SP140L: variants seen among roughly 807,000 people sequenced by gnomAD.
The protein encoded by SP140L is SP140 like nuclear body protein, also known as nuclear body protein SP140-like protein.
A neutral mutation model predicts 84.3 loss-of-function variants in SP140L; 64 were observed. The observed-to-expected ratio is 0.76, with a 90% CI of 0.62 to 0.94. SP140L has a LOEUF of 0.94. Ranked by LOEUF, SP140L falls within the 40% of genes least tolerant of loss-of-function variation. The pLI is 0.00. For synonymous variants in SP140L, 242 were observed against 236.9 expected (o/e 1.02, Z -0.20); for missense variants, 628 against 692.5 (o/e 0.91, Z 1.05).
At chr2:230,380,934 C>A (rs777873731) in intron 7 of SP140L, among the ~76,000 whole-genome samples, 1 of 149,730 alleles carries the variant, frequency 6.7e-6, no homozygotes, top group Non-Finnish European at 1.5e-5. Flanking sequence ...CTCCTCAGCA[C>A]ATTCTTGTAG....
At chr2:230,402,035 C>T (rs1441393399) in intron 18 of SP140L, among the ~76,000 whole-genome samples, 1 of 152,226 alleles carries the variant, frequency 6.6e-6, no homozygotes, top group African/African-American at 2.4e-5. Context: ...GCTCCTCCCC[C>T]ACCTGCCCCA....
At chr2:230,400,863 C>T (rs1454880856) in intron 15 of SP140L, 92 bp from the exon 16 acceptor site, 30 of 1,535,346 alleles carry the variant, frequency 2.0e-5, no homozygotes, top group Non-Finnish European at 2.5e-5. Flanking sequence ...CTGAGCCCAT[C>T]AGCCATTCCT....
chr2:230,387,851 G>A (rs967368263), intron 9 of SP140L, among the ~76,000 whole-genome samples: 8 of 152,184 alleles, frequency 5.3e-5, no homozygotes, highest in African/African-American at 1.9e-4. Flanking sequence ...CATTCCTCAT[G>A]GTTAACCTTC....
At chr2:230,390,595 G>A (rs1171417808) in intron 11 of SP140L, among the ~76,000 whole-genome samples, 3 of 152,114 alleles carry the variant, frequency 2.0e-5, no homozygotes, top group East Asian at 1.9e-4. Flanking sequence ...AATATTTTAC[G>A]ATTGAAAATT....
At chr2:230,358,034 C>A (rs1038054983) in intron 3 of SP140L, 67 bp downstream of exon 3, 6 of 1,562,034 alleles carry the variant, frequency 3.8e-6, no homozygotes, top group Non-Finnish European at 5.2e-6. Context: ...TCTGTAAGTG[C>A]TCCTGTAAAG....
At chr2:230,402,499 C>T (rs536714611) in intron 18 of SP140L, among the ~76,000 whole-genome samples, 124 of 152,280 alleles carry the variant, frequency 8.1e-4, no homozygotes, top group Admixed American at 6.9e-3. Flanking sequence ...AAGAGTCCTA[C>T]TTAATAATAG....
chr2:230,379,794 T>C (rs1004821203), intron 7 of SP140L, among the ~76,000 whole-genome samples: 5 of 152,224 alleles, frequency 3.3e-5, no homozygotes, highest in African/African-American at 9.6e-5. Context: ...CTGGAATCTA[T>C]GGTATGGCTA....
chr2:230,381,127 C>T (rs1206973576), intron 7 of SP140L, among the ~76,000 whole-genome samples: 1 of 138,596 alleles, frequency 7.2e-6, no homozygotes, highest in Non-Finnish European at 1.6e-5. Flanking sequence ...CTGAGGAAAC[C>T]CATGGGGTTT....
At chr2:230,329,537 G>A (rs1305961649) in intron 2 of SP140L, among the ~76,000 whole-genome samples, 2 of 152,278 alleles carry the variant, frequency 1.3e-5, no homozygotes, top group Non-Finnish European at 2.9e-5. Flanking sequence ...GAGGTGATTG[G>A]ATCATGGGGG....
intron 7 of SP140L, among the ~76,000 whole-genome samples, 173 bp from the exon 8 acceptor site, chr2:230,383,337 A>G (rs1449629498): frequency 6.6e-6 from 1 of 152,226 alleles, no homozygotes; most frequent in East Asian, 1.9e-4. Flanking sequence ...GCTCATGCAG[A>G]ATTAAAATAG....
chr2:230,327,291 C>T lies in SP140L; in HGVS notation c.22C>T (p.Leu8=), dbSNP rs765979835. Residue 8 remains leucine (L), a synonymous_variant, in exon 1 of 19, where the codon CTG becomes TTG. Coordinates refer to ENST00000415673, the MANE Select transcript of SP140L (RefSeq NM_138402.6). The part of the protein sequence containing the change: MAGGGSD[L]STRGLNGGVS... ...GACGATGGCAGGTGGGGGCAGCGAC[C>T]TGAGCACCAGGTGAGTCTTTATCTC... 5 of 1,611,898 alleles carry T rather than the reference C, an allele frequency of 3.1e-6. No homozygotes were observed. In the East Asian group the frequency reaches 1.1e-4, roughly 36 times the overall value.
chr2:230,394,674 G>A (rs1295533447), intron 13 of SP140L, among the ~76,000 whole-genome samples: 1 of 152,202 alleles, frequency 6.6e-6, no homozygotes. Flanking sequence ...GCAACACTTA[G>A]CAGCAACAAG....
At chr2:230,373,538 G>T (rs2061153125) in intron 7 of SP140L, among the ~76,000 whole-genome samples, 2 of 152,238 alleles carry the variant, frequency 1.3e-5, no homozygotes, top group Middle Eastern at 3.4e-3. Context: ...TTACAGCATG[G>T]TTTACTGAAT....
At chr2:230,360,057 G>T (rs1189739723) in intron 4 of SP140L, among the ~76,000 whole-genome samples, 1 of 146,710 alleles carries the variant, frequency 6.8e-6, no homozygotes, top group East Asian at 2.0e-4. Context: ...TAAAGAAGGT[G>T]CCCTCTATTT....
chr2:230,352,513 A>T (rs983066752), intron 2 of SP140L, among the ~76,000 whole-genome samples: 2 of 152,170 alleles, frequency 1.3e-5, no homozygotes, highest in African/African-American at 4.8e-5. Flanking sequence ...CACTATCATG[A>T]GAACAGTATG....
intron 7 of SP140L, among the ~76,000 whole-genome samples, chr2:230,375,615 T>C (rs879260386): frequency 6.6e-6 from 1 of 152,204 alleles, no homozygotes; most frequent in Non-Finnish European, 1.5e-5. Flanking sequence ...TATTTCATTA[T>C]AGTTTTGAGT....
intron 2 of SP140L, among the ~76,000 whole-genome samples, chr2:230,347,211 T>G (rs978284829): frequency 2.0e-5 from 3 of 152,146 alleles, no homozygotes; most frequent in Admixed American, 2.0e-4. Context: ...TTGGACTCTT[T>G]GGTTGGGCAG....
intron 5 of SP140L, among the ~76,000 whole-genome samples, chr2:230,364,654 T>G (rs914443454): frequency 1.3e-5 from 2 of 152,162 alleles, no homozygotes; most frequent in East Asian, 1.9e-4. Context: ...CTAATTGTTC[T>G]GTCTAGGACT....
chr2:230,398,501 A>G (rs565475853), intron 14 of SP140L, among the ~76,000 whole-genome samples: 32 of 152,246 alleles, frequency 2.1e-4, no homozygotes, highest in Non-Finnish European at 4.0e-4. Flanking sequence ...AAGAACCACC[A>G]CAGGAACATT....
Sources: gnomAD v4.1 joint callset for allele counts (sites outside exome capture counted in the v4.1 genomes callset) on GRCh38, gnomAD v4.1.1 for gene constraint, MANE v1.5 for transcripts, NCBI Gene and HGNC (gene_info 2026-07-23, HGNC 2026-07-21) for gene names.